The following GAD2 variants were observed in gnomAD, a reference collection of about 807,000 sequenced individuals.
The protein encoded by GAD2 is glutamate decarboxylase 2.
In GAD2, 22 loss-of-function variants were observed where a neutral mutation model predicts 80.1. The ratio of observed to expected loss-of-function variants is 0.27; its 90% CI spans 0.20 to 0.39. The LOEUF is 0.39. Ranked by LOEUF, GAD2 falls within the 10% of genes least tolerant of loss-of-function variation. The probability of loss-of-function intolerance (pLI) is 1.00; values close to 1 mark genes in which losing one functional copy is unlikely to be tolerated. For missense variants in GAD2, 624 were observed against 738.4 expected, an observed-to-expected ratio of 0.85 and a Z score of 1.80; for synonymous variants, 274 against 256.9, an observed-to-expected ratio of 1.07 and a Z score of -0.64.
chr10:26,260,223 C>T (rs1051989184), intron 8 of GAD2, among the ~76,000 whole-genome samples: 4 of 152,166 alleles, frequency 2.6e-5, no homozygotes, highest in African/African-American at 4.8e-5. Flanking sequence ...ATTTATATTA[C>T]TTAACAAATC....
At chr10:26,261,730 T>G (rs1472949365) in intron 8 of GAD2, among the ~76,000 whole-genome samples, 6 of 152,186 alleles carry the variant, frequency 3.9e-5, no homozygotes. Flanking sequence ...TCTTCTTAAT[T>G]TACCAAGAAT....
intron 11 of GAD2, among the ~76,000 whole-genome samples, chr10:26,280,608 C>T (rs761051150): frequency 2.0e-5 from 3 of 152,140 alleles, no homozygotes; most frequent in Non-Finnish European, 2.9e-5. Flanking sequence ...TCCCGTAAGC[C>T]GTTCCCAGCT....
At chr10:26,297,906 A>C (rs1834292371) in intron 15 of GAD2, among the ~76,000 whole-genome samples, 1 of 152,224 alleles carries the variant, frequency 6.6e-6, no homozygotes, top group African/African-American at 2.4e-5. Flanking sequence ...GAATGAGTAA[A>C]CATATATGTA....
chr10:26,247,806 G>A (rs1234187990), intron 8 of GAD2, among the ~76,000 whole-genome samples: 1 of 143,448 alleles, frequency 7.0e-6, no homozygotes, highest in Non-Finnish European at 1.5e-5. Context: ...TGACACAGGA[G>A]AATCGCTTGA....
chr10:26,292,790 GA>G, intron 14 of GAD2, 111 bp from the exon 15 acceptor site: 1 of 962,796 alleles, frequency 1.0e-6, no homozygotes, highest in Non-Finnish European at 1.7e-6. Flanking sequence ...ATTCCTGATT[GA>G]AAAGTGGGAA....
At chr10:26,250,656 A>G (rs1034438782) in intron 8 of GAD2, among the ~76,000 whole-genome samples, 1 of 152,224 alleles carries the variant, frequency 6.6e-6, no homozygotes, top group African/African-American at 2.4e-5. Context: ...AGAGATGGTG[A>G]GGGCAATGTG....
chr10:26,217,011 G>A lies in GAD2; in HGVS notation c.76+126G>A. ...GAAACTTCTTCGGGCGCTTCTCCCT[G>A]CTTTTGGGCTAAGTCCTTGACGGCC... On this transcript the variant is annotated intron_variant, in intron 1 of 15. Coordinates refer to ENST00000376261, the MANE Select transcript of GAD2 (RefSeq NM_001134366.2). The surrounding 1 kb of genome is among the most constrained non-coding windows in gnomAD (Gnocchi z 4.9). 1 of 775,746 alleles carries A rather than the reference G, an allele frequency of 1.3e-6. No homozygotes were observed. The highest frequency in any genetic ancestry group is 2.1e-6 in the Non-Finnish European group (1 of 477,170). 48.1% of individuals were successfully genotyped at this position (775,746 alleles called of 1,614,324 possible). A position where few individuals can be genotyped will look rare whatever the true frequency, so the allele number is the denominator to read the frequency against.
At chr10:26,256,171 G>A (rs952705721) in intron 8 of GAD2, among the ~76,000 whole-genome samples, 2 of 151,936 alleles carry the variant, frequency 1.3e-5, no homozygotes, top group African/African-American at 4.8e-5. Flanking sequence ...CTCAATATAT[G>A]CTGTATATAA....
intron 11 of GAD2, among the ~76,000 whole-genome samples, chr10:26,280,486 G>C (rs1193209570): frequency 2.6e-5 from 4 of 152,128 alleles, no homozygotes; most frequent in African/African-American, 9.7e-5. Flanking sequence ...GTAGCTAAGA[G>C]ACAAATGGTT....
intron 9 of GAD2, among the ~76,000 whole-genome samples, chr10:26,269,824 G>A (rs1051533729): frequency 1.3e-5 from 2 of 152,120 alleles, no homozygotes; most frequent in African/African-American, 2.4e-5. Context: ...AATGATTTAC[G>A]TTCATATGCC....
chr10:26,221,977 G>A (rs1844458097), intron 4 of GAD2, among the ~76,000 whole-genome samples: 1 of 152,186 alleles, frequency 6.6e-6, no homozygotes, highest in South Asian at 2.1e-4. Flanking sequence ...AGCCTGTAGG[G>A]GCCACAGGAT....
intron 15 of GAD2, among the ~76,000 whole-genome samples, chr10:26,297,728 G>C (rs1834290056): frequency 6.6e-6 from 1 of 152,140 alleles, no homozygotes; most frequent in South Asian, 2.1e-4. Flanking sequence ...TTGCAAACTG[G>C]GAAGAGACAG....
chr10:26,291,474 G>T (rs1834213384), intron 13 of GAD2, among the ~76,000 whole-genome samples: 1 of 151,448 alleles, frequency 6.6e-6, no homozygotes. Context: ...AGGGCAGCTT[G>T]TTCTTAAACC....
chr10:26,290,534 C>A (rs114473316), intron 13 of GAD2, among the ~76,000 whole-genome samples: 2 of 152,080 alleles, frequency 1.3e-5, no homozygotes, highest in African/African-American at 4.8e-5. Flanking sequence ...GACTGAAGGG[C>A]GACTTGGGAG....
At chr10:26,255,651 AG>A (rs59480127) in intron 8 of GAD2, among the ~76,000 whole-genome samples, 1 of 46,806 alleles carries the variant, frequency 2.1e-5, no homozygotes, top group Non-Finnish European at 3.6e-5. Flanking sequence ...AGGGGAGGGG[AG>A]GGGGAAGGGG....
intron 11 of GAD2, among the ~76,000 whole-genome samples, chr10:26,276,878 T>G (rs1209198223): frequency 1.3e-5 from 2 of 152,198 alleles, no homozygotes; most frequent in African/African-American, 4.8e-5. Flanking sequence ...ATTCGATCAT[T>G]GCTGAACCTC....
intron 8 of GAD2, among the ~76,000 whole-genome samples, chr10:26,263,259 A>G (rs917043356): frequency 2.0e-5 from 3 of 152,224 alleles, no homozygotes; most frequent in African/African-American, 7.2e-5. Context: ...GAAAAATATC[A>G]TTAATCATTA....
At chr10:26,218,179 C>A in intron 3 of GAD2, 188 bp downstream of exon 3, 2 of 575,846 alleles carry the variant, frequency 3.5e-6, no homozygotes, top group Non-Finnish European at 5.8e-6. Context: ...AGCCCCCGAA[C>A]CTGGCCTCGG....
At chr10:26,216,764 C>T (rs775389499), upstream of GAD2, 3 of 1,560,846 alleles carry the variant, frequency 1.9e-6, no homozygotes, top group Non-Finnish European at 1.8e-6. This position sits in a 1 kb window ranked among gnomAD's most constrained non-coding sequence, Gnocchi z 4.7. Context: ...AGGCAGCTCG[C>T]CCGCAGCTCG....
Sources: allele counts gnomAD v4.1 joint callset (sites outside exome capture counted in the v4.1 genomes callset), GRCh38; gene constraint gnomAD v4.1.1; non-coding constraint Gnocchi (gnomAD v3.1); transcripts MANE v1.5; gene names NCBI Gene and HGNC (gene_info 2026-07-23, HGNC 2026-07-21).